The following SLC26A7 variants were observed in gnomAD, a reference collection of about 807,000 sequenced individuals.
SLC26A7 encodes the protein solute carrier family 26 member 7.
SLC26A7 carries 59 observed loss-of-function variants against 82.5 expected under a neutral mutation model. The observed-to-expected ratio is 0.72, with a 90% confidence interval of 0.58 to 0.89. SLC26A7 has a LOEUF of 0.89. SLC26A7 is among the 40% of genes least tolerant of loss of function. The pLI is 0.00. For synonymous variants in SLC26A7, 271 were observed against 274.3 expected (o/e 0.99, Z 0.12); for missense variants, 820 against 793.0 (o/e 1.03, Z -0.41).
chr8:91,395,156 T>A lies in SLC26A7; in HGVS notation c.*59T>A. 6.2e-7 allele frequency: 1 copy of A among 1,607,258 alleles called. No homozygotes were observed. Among genetic ancestry groups the A allele is most frequent in the Non-Finnish European group, 8.5e-7 (1 of 1,177,282 alleles). ...CCAACTGCCTGAAGAGGCCATATGC[T>A]GGCATTTTGCACAACTTTTTGGTTG... On this transcript the variant is annotated 3_prime_UTR_variant, in exon 19 of 19. Transcript: ENST00000276609.
At chr8:91,275,242 A>G (rs547642250) in intron 2 of SLC26A7, among the ~76,000 whole-genome samples, 2 of 152,344 alleles carry the variant, frequency 1.3e-5, no homozygotes, top group South Asian at 2.1e-4. Context: ...CATAGAATAT[A>G]GAATTTTGGG....
chr8:91,211,115 T>A (rs1809907044), intron 1 of SLC26A7, among the ~76,000 whole-genome samples: 3 of 152,024 alleles, frequency 2.0e-5, no homozygotes, highest in African/African-American at 7.2e-5. Context: ...TAAGGGAAAA[T>A]AACTCAAAAT....
intron 11 of SLC26A7, among the ~76,000 whole-genome samples, chr8:91,357,849 G>A (rs1156241827): frequency 6.6e-6 from 1 of 152,108 alleles, no homozygotes; most frequent in African/African-American, 2.4e-5. Context: ...GAAAATTTTT[G>A]CAACCTACTC....
At position 91,363,498 on chromosome 8, in the gene SLC26A7, T is replaced by G; in HGVS notation, c.1448T>G (p.Met483Arg). 6.6e-7 allele frequency: 1 copy of G among 1,508,136 alleles called. No homozygotes were observed. The allele number at this position is 1,508,136 out of a possible 1,614,324, so 93.4% of individuals were successfully genotyped here. ...PRAMTVSIKN[M>R]KEMEFKVKTE... Reference sequence around the variant, plus strand: ...GCAATGACTGTAAGTATAAAAAATATGAAAGAAATGGAATTTAAAGTGAAG... The same window carrying G: ...GCAATGACTGTAAGTATAAAAAATAGGAAAGAAATGGAATTTAAAGTGAAG... Residue 483 changes from methionine (M) to arginine (R), a missense_variant, in exon 13 of 19, where the codon ATG (methionine) becomes AGG (arginine). Physicochemically the swap from Met to Arg is moderately conservative, Grantham distance 91. Coordinates refer to ENST00000276609, the MANE Select transcript of SLC26A7 (RefSeq NM_052832.4).
At chr8:91,311,750 G>T (rs975238198) in intron 4 of SLC26A7, among the ~76,000 whole-genome samples, 7 of 152,142 alleles carry the variant, frequency 4.6e-5, no homozygotes, top group Non-Finnish European at 8.8e-5. Flanking sequence ...TATTTAAAGG[G>T]GAAAAGCAGG....
upstream of SLC26A7, among the ~76,000 whole-genome samples, chr8:91,244,965 T>C (rs1810524268): frequency 6.6e-6 from 1 of 152,098 alleles, no homozygotes; most frequent in Non-Finnish European, 1.5e-5. Flanking sequence ...GAAAGCAAAG[T>C]AAGACATGTT....
intron 4 of SLC26A7, among the ~76,000 whole-genome samples, chr8:91,297,862 C>A (rs1490764743): frequency 6.6e-6 from 1 of 152,094 alleles, no homozygotes; most frequent in African/African-American, 2.4e-5. Flanking sequence ...CTCTTGCTTG[C>A]ATATTATTTA....
chr8:91,297,868 A>G (rs1214682096), intron 4 of SLC26A7, among the ~76,000 whole-genome samples: 1 of 152,046 alleles, frequency 6.6e-6, no homozygotes, highest in East Asian at 1.9e-4. Flanking sequence ...CTTGCATATT[A>G]TTTAGTTTCA....
chr8:91,239,954 T>G (rs1810452096), intron 2 of SLC26A7, among the ~76,000 whole-genome samples: 1 of 152,224 alleles, frequency 6.6e-6, no homozygotes, highest in Non-Finnish European at 1.5e-5. Flanking sequence ...ACTGAAAGAC[T>G]TAAACATTAT....
At chr8:91,390,519 G>C (rs917581626) in intron 16 of SLC26A7, among the ~76,000 whole-genome samples, 14 of 151,920 alleles carry the variant, frequency 9.2e-5, no homozygotes, top group African/African-American at 3.4e-4. Flanking sequence ...TGAGGGTGGG[G>C]CAGCATCTGT....
At chr8:91,377,478 G>A (rs549191907) in intron 15 of SLC26A7, among the ~76,000 whole-genome samples, 11 of 152,300 alleles carry the variant, frequency 7.2e-5, no homozygotes, top group African/African-American at 2.6e-4. Context: ...GGAGATGTTT[G>A]CGGGCAGTCT....
intron 15 of SLC26A7, among the ~76,000 whole-genome samples, chr8:91,381,492 A>G (rs1814669492): frequency 6.6e-6 from 1 of 152,152 alleles, no homozygotes; most frequent in Admixed American, 6.5e-5. Context: ...CTTATGTAAT[A>G]CTAGAATAAT....
Position 91,351,810 on chromosome 8 carries a change from G to GT in SLC26A7, c.1142dup (p.Ala382GlyfsTer54), listed in dbSNP as rs1563693672. The GT allele has an allele frequency of 6.2e-7, 1 of 1,606,938 alleles. No individual in the cohort carries two copies. Among genetic ancestry groups the GT allele is most frequent in the Non-Finnish European group, 8.5e-7 (1 of 1,174,640 alleles). On this transcript the variant is annotated frameshift_variant and splice_region_variant, in exon 10 of 19. Transcript: ENST00000276609. LOFTEE classifies it high-confidence loss of function. The stretch of plus-strand genomic sequence containing the variant: ...TTTTTGTCTGTCTTGTATTTTACAG[G>GT]TGGCTTGTCTAATATCTTGCATTTT...
At chr8:91,237,052 A>G (rs1188170828) in intron 2 of SLC26A7, among the ~76,000 whole-genome samples, 1 of 152,214 alleles carries the variant, frequency 6.6e-6, no homozygotes, top group Non-Finnish European at 1.5e-5. Flanking sequence ...TTTGACTGTT[A>G]CTACTACCCG....
At chr8:91,237,439 A>G (rs1311564738) in intron 2 of SLC26A7, among the ~76,000 whole-genome samples, 2 of 152,004 alleles carry the variant, frequency 1.3e-5, no homozygotes, top group Non-Finnish European at 2.9e-5. Context: ...AAAAAACTCA[A>G]TTTCTTTCCT....
intron 15 of SLC26A7, among the ~76,000 whole-genome samples, chr8:91,377,771 C>T (rs529826121): frequency 3.3e-5 from 5 of 152,248 alleles, no homozygotes; most frequent in East Asian, 1.9e-4. Flanking sequence ...CTATGTTTTC[C>T]GTGAACTCTG....
chr8:91,389,211 A>G, intron 15 of SLC26A7, 127 bp from the exon 16 acceptor site: 1 of 669,886 alleles, frequency 1.5e-6, no homozygotes, highest in Non-Finnish European at 2.7e-6. Flanking sequence ...AAAAATGTAA[A>G]AATTAAAAGT....
In SLC26A7 at chr8:91,380,101, CTATA is replaced by C. The variant is rs146473406; in HGVS notation, c.1676-9235_1676-9232del. Among the ~76,000 whole-genome samples the C allele has an allele frequency of 2.7e-3, 410 of 152,166 alleles. 2 individuals carry two copies. The highest frequency in any genetic ancestry group is 9.5e-3 in the African/African-American group (393 of 41,536). On this transcript the variant is annotated intron_variant, in intron 15 of 18. Coordinates refer to ENST00000276609, the MANE Select transcript of SLC26A7 (RefSeq NM_052832.4). Reference sequence around the variant, plus strand: ...TTGGGGAAATGCAAATTAAATAACTCTATATGTATGATATTGGTCAAAATGGAAA... The same window carrying C: ...TTGGGGAAATGCAAATTAAATAACTCTGTATGATATTGGTCAAAATGGAAA...
At chr8:91,304,030 C>T (rs1812236954) in intron 4 of SLC26A7, among the ~76,000 whole-genome samples, 1 of 152,112 alleles carries the variant, frequency 6.6e-6, no homozygotes. Context: ...TTATAACATT[C>T]TTAAAATTAT....
Sources: gnomAD v4.1 joint callset for allele counts (sites outside exome capture counted in the v4.1 genomes callset) on GRCh38, gnomAD v4.1.1 for gene constraint, MANE v1.5 for transcripts, NCBI Gene and HGNC (gene_info 2026-07-23, HGNC 2026-07-21) for gene names.